Variants in BCAS3 observed in about 807,000 individuals in gnomAD.
BCAS3 encodes BCAS3 microtubule associated cell migration factor, also known as BCAS4/BCAS3 fusion.
In BCAS3, 53 loss-of-function variants were observed where a neutral mutation model predicts 116.1. The observed-to-expected ratio is 0.46, with a 90% CI of 0.37 to 0.57. The LOEUF is 0.57. Among genes scored for constraint, BCAS3 ranks in the 20% least tolerant of loss-of-function variants. The pLI is 0.00. For synonymous variants in BCAS3, 391 were observed against 408.2 expected (o/e 0.96, Z 0.51); for missense variants, 917 against 1,165.4 (o/e 0.79, Z 3.10).
At chr17:60,723,680 T>G (rs2039487449) in intron 5 of BCAS3, among the ~76,000 whole-genome samples, 1 of 151,740 alleles carries the variant, frequency 6.6e-6, no homozygotes. Context: ...ATAGTCTACT[T>G]TATAGCTATT....
At chr17:60,875,827 T>C (rs1322073070) in intron 9 of BCAS3, among the ~76,000 whole-genome samples, 1 of 151,962 alleles carries the variant, frequency 6.6e-6, no homozygotes, top group Non-Finnish European at 1.5e-5. Context: ...ACTTTTTATT[T>C]TGGGAAATAT....
chr17:60,873,601 A>G (rs2055324381), intron 8 of BCAS3, among the ~76,000 whole-genome samples: 1 of 152,210 alleles, frequency 6.6e-6, no homozygotes, highest in Non-Finnish European at 1.5e-5. Flanking sequence ...TTGCTTTAAA[A>G]AAGTGTTTAT....
chr17:60,923,361 A>G (rs1046898111), intron 12 of BCAS3, among the ~76,000 whole-genome samples: 1 of 152,206 alleles, frequency 6.6e-6, no homozygotes, highest in African/African-American at 2.4e-5. Flanking sequence ...TTTCACTCAC[A>G]AATACTATCT....
chr17:60,789,854 TTTTTATGTGGACAC>T (rs1435146620), intron 6 of BCAS3, among the ~76,000 whole-genome samples: 1 of 152,208 alleles, frequency 6.6e-6, no homozygotes, highest in African/African-American at 2.4e-5. Flanking sequence ...AGATGTAGAA[TTTTTATGTGGACAC>T]TTTTATTCAA....
intron 4 of BCAS3, among the ~76,000 whole-genome samples, chr17:60,697,582 C>CA (rs758307797): frequency 0.013 from 731 of 58,310 alleles, 14 homozygotes; most frequent in South Asian, 0.025. Context: ...GACTCTGTCT[C>CA]AAAAAAAAAA....
intron 15 of BCAS3, among the ~76,000 whole-genome samples, chr17:61,009,856 G>A (rs1234005768): frequency 6.6e-6 from 1 of 151,988 alleles, no homozygotes; most frequent in Non-Finnish European, 1.5e-5. Flanking sequence ...TGCACAGAGG[G>A]TAAAGATAAA....
chr17:60,753,141 T>A (rs2042644758), intron 6 of BCAS3, among the ~76,000 whole-genome samples: 2 of 152,194 alleles, frequency 1.3e-5, no homozygotes, highest in Non-Finnish European at 2.9e-5. Context: ...TGTACCCATA[T>A]GTAATTTTTT....
rs926269377 is a variant in BCAS3, at chr17:61,073,431, G to A, written c.2030-1489G>A. Among the ~76,000 whole-genome samples the A allele has an allele frequency of 3.5e-4, 53 of 152,096 alleles. No individual in the cohort carries two copies. The highest frequency in any genetic ancestry group is 1.2e-3 in the African/African-American group (48 of 41,416). ...AAAATCTTGCCCTAGGTTATGCTTT[G>A]TCTACTTTATTTGTATCTGTTTCAC... On this transcript the variant is annotated intron_variant, in intron 19 of 23. Transcript: ENST00000407086. This position sits in a 1 kb window ranked among gnomAD's most constrained non-coding sequence, Gnocchi z 4.6.
chr17:60,850,940 T>C lies in BCAS3; in HGVS notation c.477-17636T>C, dbSNP rs749686744. 1.7e-4 allele frequency among the ~76,000 whole-genome samples: 26 copies of C among 152,344 alleles called. 1 individual carries two copies. Among genetic ancestry groups the C allele is most frequent in the South Asian group, 1.0e-3 (5 of 4,830 alleles). ...ATAAAAATACAAGCAAGTTATTTTG[T>C]GGATATGTACTAAGTAATTCTAAAG... On this transcript the variant is annotated intron_variant, in intron 7 of 23. Coordinates refer to ENST00000407086, the MANE Select transcript of BCAS3 (RefSeq NM_017679.5).
chr17:61,153,789 TCAA>T (rs909939420), intron 22 of BCAS3, among the ~76,000 whole-genome samples: 6 of 152,212 alleles, frequency 3.9e-5, no homozygotes, highest in Non-Finnish European at 7.3e-5. Context: ...ATATCAGAAC[TCAA>T]CAGCAGTCAT....
intron 6 of BCAS3, among the ~76,000 whole-genome samples, chr17:60,780,490 A>G (rs1289721400): frequency 2.0e-5 from 3 of 151,874 alleles, no homozygotes; most frequent in African/African-American, 4.8e-5. Context: ...TTTAATAGAG[A>G]CGGGGTTTCA....
chr17:61,257,650 A>G (rs756765921), intron 22 of BCAS3, among the ~76,000 whole-genome samples: 22 of 152,300 alleles, frequency 1.4e-4, no homozygotes, highest in Admixed American at 1.3e-4. Context: ...ATCTTAATTC[A>G]TTATTGTCTT....
At position 61,368,261 on chromosome 17, in the gene BCAS3, G is replaced by A; in HGVS notation, c.2426-66G>A. 6.7e-7 allele frequency: 1 copy of A among 1,500,772 alleles called. No homozygotes were observed. The highest frequency in any genetic ancestry group is 1.3e-5 in the South Asian group (1 of 77,166). The allele number at this position is 1,500,772 out of a possible 1,614,324, so 93.0% of individuals were successfully genotyped here. ...GGGTATGGAGAGGAGCGGGTGGGAG[G>A]TAGACAAGAATGGCCTGCTCCCTGA... On this transcript the variant is annotated intron_variant, in intron 22 of 23. Coordinates refer to ENST00000407086, the MANE Select transcript of BCAS3 (RefSeq NM_017679.5). The surrounding 1 kb of genome is among the most constrained non-coding windows in gnomAD (Gnocchi z 6.0).
intron 22 of BCAS3, among the ~76,000 whole-genome samples, chr17:61,116,124 G>A (rs1259494105): frequency 6.6e-6 from 1 of 151,340 alleles, no homozygotes; most frequent in Non-Finnish European, 1.5e-5. Context: ...ATAGCATTGG[G>A]AGATATACCT....
At chr17:60,710,702 A>G (rs975544307) in intron 5 of BCAS3, among the ~76,000 whole-genome samples, 2 of 151,958 alleles carry the variant, frequency 1.3e-5, no homozygotes, top group Non-Finnish European at 2.9e-5. Context: ...AAGTGCTGGG[A>G]TTACAGGTGT....
At chr17:61,002,067 AGAT>A (rs1325517203) in intron 15 of BCAS3, among the ~76,000 whole-genome samples, 1 of 152,170 alleles carries the variant, frequency 6.6e-6, no homozygotes, top group East Asian at 1.9e-4. Flanking sequence ...AGAAAGGTAT[AGAT>A]AACGTAGTTT....
chr17:61,028,992 G>GTT lies in BCAS3; in HGVS notation c.1638-5671_1638-5670dup, dbSNP rs1432951969. On this transcript the variant is annotated intron_variant, in intron 16 of 23. Transcript: ENST00000407086. This position sits in a 1 kb window ranked among gnomAD's most constrained non-coding sequence, Gnocchi z 4.3. ...CCATTTTGTTTATAAGAGCTCCTTT[G>GTT]TTTTAATAGTTTTTGCTATTTTTCC... Among the ~76,000 whole-genome samples the GTT allele has an allele frequency of 6.6e-6, 1 of 151,762 alleles. No homozygotes were observed. Among genetic ancestry groups the GTT allele is most frequent in the Non-Finnish European group, 1.5e-5 (1 of 67,794 alleles).
At position 61,019,968 on chromosome 17, in the gene BCAS3, G is replaced by C. The variant is rs1006464762; in HGVS notation, c.1637+4067G>C. Among the ~76,000 whole-genome samples the C allele has an allele frequency of 6.6e-6, 1 of 152,132 alleles. No individual in the cohort carries two copies. Among genetic ancestry groups the C allele is most frequent in the African/African-American group, 2.4e-5 (1 of 41,434 alleles). ...ATTATGTAGAAAGAGAACACAGAGT[G>C]ACCCACTTATAGACAGGTAAATTAT... On this transcript the variant is annotated intron_variant, in intron 16 of 23. Transcript: ENST00000407086. The surrounding 1 kb of genome is among the most constrained non-coding windows in gnomAD (Gnocchi z 5.6).
chr17:61,131,374 T>C lies in BCAS3; in HGVS notation c.2425+46810T>C, dbSNP rs2076333388. Among the ~76,000 whole-genome samples, 1 of 152,322 alleles carries C rather than the reference T, an allele frequency of 6.6e-6. No individual in the cohort carries two copies. Among genetic ancestry groups the C allele is most frequent in the African/African-American group, 2.4e-5 (1 of 41,572 alleles). Reference sequence around the variant, plus strand: ...TGATAGTTTTAATTATCTTAATTTATCCTCTGTTCCTCTGCCTTGGGCTTA... The same window carrying C: ...TGATAGTTTTAATTATCTTAATTTACCCTCTGTTCCTCTGCCTTGGGCTTA... On this transcript the variant is annotated intron_variant, in intron 22 of 23. Transcript: ENST00000407086. The surrounding 1 kb of genome is among the most constrained non-coding windows in gnomAD (Gnocchi z 4.4).
Sources: allele counts gnomAD v4.1 joint callset (sites outside exome capture counted in the v4.1 genomes callset), GRCh38; gene constraint gnomAD v4.1.1; non-coding constraint Gnocchi (gnomAD v3.1); transcripts MANE v1.5; gene names NCBI Gene and HGNC (gene_info 2026-07-23, HGNC 2026-07-21).